The following MAP3K20 variants were observed in gnomAD, a reference collection of about 807,000 sequenced individuals.
The protein encoded by MAP3K20 is HCCS-4.
A neutral mutation model predicts 85.7 loss-of-function variants in MAP3K20; 40 were observed. That is an observed-to-expected ratio of 0.47 (90% confidence interval 0.36 to 0.61). The LOEUF is 0.61. Among genes scored for constraint, MAP3K20 ranks in the 20% least tolerant of loss-of-function variants. The pLI, the probability that MAP3K20 is intolerant of heterozygous loss-of-function variation, is 0.00. For missense variants in MAP3K20, 817 were observed against 961.7 expected, an observed-to-expected ratio of 0.85 and a Z score of 1.99; for synonymous variants, 325 against 327.7, an observed-to-expected ratio of 0.99 and a Z score of 0.09.
At position 173,140,961 on chromosome 2, in the gene MAP3K20, G is replaced by A. The variant is rs1159420164; in HGVS notation, c.160-28844G>A. On this transcript the variant is annotated intron_variant, in intron 2 of 19. Transcript: ENST00000375213. ...TCTCTCTGTATTATTTCTTATAATT[G>A]CATGTGTATCTATAATTATCTCAAA... 4.6e-5 allele frequency among the ~76,000 whole-genome samples: 7 copies of A among 152,014 alleles called. No homozygotes were observed. The East Asian group carries it at 1.4e-3, about 29-fold the overall frequency.
Position 173,238,429 on chromosome 2 carries a change from A to G in MAP3K20, c.1260A>G (p.Leu420=). ...TAAATTTGTTTCACTTCCCACCACT[A>G]ATTAAGGTAAGTAAGGTTTTTCTTA... is the stretch of plus-strand genomic sequence containing the variant. ...DYINLFHFPP[L]IKDSGGEPEE... is the part of the protein sequence containing the mutation. Residue 420 remains leucine, a synonymous_variant, in exon 15 of 20, where the codon CTA becomes CTG. Transcript: ENST00000375213. The G allele has an allele frequency of 6.2e-7, 1 of 1,611,950 alleles. No homozygotes were observed. The highest frequency in any genetic ancestry group is 8.5e-7 in the Non-Finnish European group (1 of 1,178,836).
At chr2:173,224,991 CAGTG>C (rs1270982821) in intron 11 of MAP3K20, 13 of 983,276 alleles carry the variant, frequency 1.3e-5, no homozygotes, top group South Asian at 4.7e-5. Context: ...TTAAAAGAAA[CAGTG>C]AGAAATGTAA....
At chr2:173,203,741 C>T in intron 8 of MAP3K20, 55 bp from the exon 9 acceptor site, 1 of 1,356,506 alleles carries the variant, frequency 7.4e-7, no homozygotes, top group Non-Finnish European at 1.1e-6. Context: ...TGTTTGCTGA[C>T]ATTAATGAAT....
chr2:173,164,486 T>C (rs1689756997), intron 2 of MAP3K20, among the ~76,000 whole-genome samples: 1 of 152,234 alleles, frequency 6.6e-6, no homozygotes, highest in Admixed American at 6.5e-5. Context: ...GCAAATATTT[T>C]CTCCCATTCT....
At chr2:173,108,922 A>G (rs1687862436) in intron 2 of MAP3K20, among the ~76,000 whole-genome samples, 1 of 152,124 alleles carries the variant, frequency 6.6e-6, no homozygotes, top group Admixed American at 6.5e-5. Context: ...CAGAGACAGT[A>G]AAAAATCTTT....
chr2:173,135,004 A>T lies in MAP3K20; in HGVS notation c.160-34801A>T, dbSNP rs149001192. ...GTCTCCTCATTTCTAAAGTGAGGAT[A>T]ACAGGACCTGCCTCAGGACAATGCT... On this transcript the variant is annotated intron_variant, in intron 2 of 19. Coordinates refer to ENST00000375213, the MANE Select transcript of MAP3K20 (RefSeq NM_016653.3). Among the ~76,000 whole-genome samples the T allele has an allele frequency of 1.8e-3, 276 of 152,336 alleles. 2 individuals are homozygous for T. Among genetic ancestry groups the T allele is most frequent in the African/African-American group, 6.3e-3 (261 of 41,564 alleles).
intron 2 of MAP3K20, among the ~76,000 whole-genome samples, chr2:173,121,632 C>T (rs968532670): frequency 6.6e-6 from 1 of 152,122 alleles, no homozygotes; most frequent in Non-Finnish European, 1.5e-5. Flanking sequence ...CGTGATCCGC[C>T]CGCCTTGGCC....
intron 2 of MAP3K20, among the ~76,000 whole-genome samples, chr2:173,100,222 C>T (rs772112220): frequency 3.9e-5 from 6 of 152,226 alleles, no homozygotes; most frequent in Admixed American, 1.3e-4. Context: ...TAGACATCAT[C>T]ACTCTACCAA....
intron 3 of MAP3K20, among the ~76,000 whole-genome samples, chr2:173,174,874 A>C (rs938095373): frequency 6.6e-6 from 1 of 152,186 alleles, no homozygotes; most frequent in Non-Finnish European, 1.5e-5. Context: ...GTATTATACT[A>C]TCTCTGGATA....
chr2:173,098,757 T>C (rs1687539533), intron 2 of MAP3K20, among the ~76,000 whole-genome samples: 1 of 152,166 alleles, frequency 6.6e-6, no homozygotes, highest in South Asian at 2.1e-4. Context: ...TCATATAAAA[T>C]TTTTCTCTCC....
chr2:173,171,644 G>A (rs978486954), intron 3 of MAP3K20, among the ~76,000 whole-genome samples: 1 of 152,188 alleles, frequency 6.6e-6, no homozygotes, highest in Non-Finnish European at 1.5e-5. Flanking sequence ...CTTCCATTCA[G>A]TATTTGTATC....
At chr2:173,229,873 C>CA in intron 12 of MAP3K20, 140 bp downstream of exon 12, 1 of 944,260 alleles carries the variant, frequency 1.1e-6, no homozygotes, top group Non-Finnish European at 1.6e-6. Flanking sequence ...CTCTGTCTCC[C>CA]AGGCTGGAGT....
At chr2:173,225,944 T>C in intron 11 of MAP3K20, 1 of 984,828 alleles carries the variant, frequency 1.0e-6, no homozygotes, top group Non-Finnish European at 1.2e-6. Context: ...TTGAGATAGC[T>C]ACAGTTCTAT....
intron 2 of MAP3K20, among the ~76,000 whole-genome samples, chr2:173,165,259 A>G (rs1389601585): frequency 6.6e-6 from 1 of 151,514 alleles, no homozygotes; most frequent in Non-Finnish European, 1.5e-5. Flanking sequence ...AAAAAAAAAA[A>G]TACAAAAATT....
chr2:173,145,053 C>T (rs1689098089), intron 2 of MAP3K20, among the ~76,000 whole-genome samples: 1 of 152,132 alleles, frequency 6.6e-6, no homozygotes, highest in African/African-American at 2.4e-5. Context: ...GGAACCTTGA[C>T]TTCTTTATAC....
chr2:173,171,709 G>T (rs1383551617), intron 3 of MAP3K20, among the ~76,000 whole-genome samples: 1 of 152,120 alleles, frequency 6.6e-6, no homozygotes, highest in African/African-American at 2.4e-5. Context: ...ACTCATACTT[G>T]CACCTACCCA....
intron 1 of MAP3K20, among the ~76,000 whole-genome samples, chr2:173,076,244 T>C (rs1481000828): frequency 6.6e-6 from 1 of 151,662 alleles, no homozygotes; most frequent in Admixed American, 6.6e-5. Context: ...CGCGGGACCT[T>C]GGCCGCGGCG....
chr2:173,093,883 G>A (rs556614026), intron 2 of MAP3K20, among the ~76,000 whole-genome samples: 7 of 150,612 alleles, frequency 4.6e-5, no homozygotes, highest in East Asian at 2.0e-4. Flanking sequence ...GTAAACTATC[G>A]CAAGAACAAA....
chr2:173,253,974 T>A (rs1219763809), intron 16 of MAP3K20, among the ~76,000 whole-genome samples: 1 of 149,560 alleles, frequency 6.7e-6, no homozygotes, highest in Non-Finnish European at 1.5e-5. Flanking sequence ...GGGAGGCTGA[T>A]GTGGGAAGAT....
Sources: allele counts gnomAD v4.1 joint callset (sites outside exome capture counted in the v4.1 genomes callset), GRCh38; gene constraint gnomAD v4.1.1; transcripts MANE v1.5; gene names NCBI Gene and HGNC (gene_info 2026-07-23, HGNC 2026-07-21).